The following SEC11C variants were observed in gnomAD, a reference collection of about 807,000 sequenced individuals.
SEC11C encodes signal peptidase complex catalytic subunit SEC11C.
In SEC11C, 10 loss-of-function variants were observed where a neutral mutation model predicts 21.9. The ratio of observed to expected loss-of-function variants is 0.46; its 90% CI spans 0.28 to 0.77. SEC11C has a LOEUF of 0.77. Ranked by LOEUF, SEC11C falls within the 30% of genes least tolerant of loss-of-function variation. The pLI is 0.12. For missense variants in SEC11C, 145 were observed against 244.5 expected (o/e 0.59, Z 2.71); for synonymous variants, 83 against 85.6 (o/e 0.97, Z 0.17).
At chr18:59,157,724 CT>C (rs2069434278) in intron 5 of SEC11C, 59 bp downstream of exon 5, 3 of 1,189,072 alleles carry the variant, frequency 2.5e-6, no homozygotes, top group Non-Finnish European at 3.7e-6. Flanking sequence ...GCTTTTACTT[CT>C]GCAACTGTAA....
intron 3 of SEC11C, among the ~76,000 whole-genome samples, chr18:59,153,762 A>C (rs1052029730): frequency 6.7e-6 from 1 of 150,010 alleles, no homozygotes; most frequent in East Asian, 2.0e-4. Context: ...GCTGGAGTGC[A>C]ATGGCATGAT....
At chr18:59,158,340 A>G (rs1229278126) in intron 5 of SEC11C, among the ~76,000 whole-genome samples, 1 of 151,720 alleles carries the variant, frequency 6.6e-6, no homozygotes, top group African/African-American at 2.4e-5. Context: ...ACAGGCGTGT[A>G]TCCATATTTT....
At chr18:59,155,261 G>C (rs1187962351) in intron 3 of SEC11C, among the ~76,000 whole-genome samples, 2 of 152,178 alleles carry the variant, frequency 1.3e-5, no homozygotes, top group Non-Finnish European at 2.9e-5. Flanking sequence ...ATCTGGACTT[G>C]AAAGAATTGC....
At chr18:59,143,090 C>T (rs968147132) in intron 1 of SEC11C, among the ~76,000 whole-genome samples, 3 of 152,082 alleles carry the variant, frequency 2.0e-5, no homozygotes, top group Non-Finnish European at 1.5e-5. Context: ...CAGTGGCTCA[C>T]GCTTGTAATC....
In SEC11C at chr18:59,155,823, T is replaced by A; in HGVS notation, c.467+16T>A. The A allele has an allele frequency of 6.2e-7, 1 of 1,612,592 alleles. No individual in the cohort carries two copies. Among genetic ancestry groups the A allele is most frequent in the Non-Finnish European group, 8.5e-7 (1 of 1,179,466 alleles). The stretch of plus-strand genomic sequence containing the variant: ...GAGCAAGAGGGTGAGGATTCACCTT[T>A]AAGTTATATAGAAGGTTATGAAAAA... On this transcript the variant is annotated intron_variant, in intron 4 of 5. Transcript: ENST00000587834.
rs368399828 is a variant in SEC11C at position 59,146,006 on chromosome 18, C to T, written c.88-3507C>T. 3.3e-5 allele frequency among the ~76,000 whole-genome samples: 5 copies of T among 152,304 alleles called. No homozygotes were observed. The East Asian group carries it at 9.6e-4, about 29-fold the overall frequency. On this transcript the variant is annotated intron_variant, in intron 1 of 5. Transcript: ENST00000587834. ...TTCAAACAACAATAAAATCACCTAA[C>T]AACGCATTTTTCAGAATGTGTCTGT...
intron 3 of SEC11C, chr18:59,153,207 A>C (rs1348789940): frequency 6.6e-6 from 1 of 151,940 alleles, no homozygotes; most frequent in Non-Finnish European, 1.5e-5. Context: ...CCCATCCCCT[A>C]CTCCCCAAAC....
In SEC11C at chr18:59,152,847, T is replaced by C. The variant is rs1046122205; in HGVS notation, c.347+162T>C. The C allele has an allele frequency of 7.2e-6, 4 of 556,566 alleles. No homozygotes were observed. The Admixed American group carries it at 1.4e-4, about 20-fold the overall frequency. The allele number at this position is 556,566 out of a possible 1,614,324, so 34.5% of individuals were successfully genotyped here. The stretch of plus-strand genomic sequence containing the variant: ...TTAACTCTTTCTGTAGGATGGGAGT[T>C]GTAGTAGTTAAACCCATAGTAACTC... On this transcript the variant is annotated intron_variant, in intron 3 of 5. Transcript: ENST00000587834.
chr18:59,152,471 A>G (rs993682672), intron 2 of SEC11C, 65 bp from the exon 3 acceptor site: 7 of 1,478,024 alleles, frequency 4.7e-6, no homozygotes, highest in East Asian at 4.7e-5. Flanking sequence ...CACCTCTGAC[A>G]TGTCTATTCT....
At chr18:59,155,484 T>G in intron 3 of SEC11C, 1 of 463,148 alleles carries the variant, frequency 2.2e-6, no homozygotes, top group East Asian at 4.2e-5. Flanking sequence ...TTTTGGAATT[T>G]AAGTCTACAA....
At chr18:59,156,774 G>T (rs889860201) in intron 4 of SEC11C, 3 of 152,182 alleles carry the variant, frequency 2.0e-5, no homozygotes, top group Admixed American at 6.5e-5. Flanking sequence ...CAGGTTTAGC[G>T]TTATTAGTCA....
At chr18:59,144,030 CT>C (rs1331460258) in intron 1 of SEC11C, among the ~76,000 whole-genome samples, 1 of 151,814 alleles carries the variant, frequency 6.6e-6, no homozygotes, top group Non-Finnish European at 1.5e-5. Context: ...ATTTTTGCAT[CT>C]TTAGTAGAGA....
chr18:59,145,921 T>C (rs2069269313), intron 1 of SEC11C, among the ~76,000 whole-genome samples: 1 of 152,232 alleles, frequency 6.6e-6, no homozygotes, highest in Non-Finnish European at 1.5e-5. Context: ...GGCTACATCG[T>C]ATAGCTTAGG....
chr18:59,145,178 A>C (rs554247322), intron 1 of SEC11C, among the ~76,000 whole-genome samples: 1 of 152,352 alleles, frequency 6.6e-6, no homozygotes, highest in Non-Finnish European at 1.5e-5. Flanking sequence ...GGCTGGCCAG[A>C]GTGGAGATTG....
intron 5 of SEC11C, among the ~76,000 whole-genome samples, chr18:59,158,353 A>T (rs35999852): frequency 0.44 from 64,987 of 148,002 alleles, 14,274 homozygotes; most frequent in East Asian, 0.72. Context: ...CATATTTTTT[A>T]AAAAAATCAC....
chr18:59,158,495 G>C, intron 5 of SEC11C, 137 bp from the exon 6 acceptor site: 1 of 691,802 alleles, frequency 1.4e-6, no homozygotes, highest in South Asian at 1.9e-5. Context: ...CTCATTTAGA[G>C]AACAAGCCAT....
intron 3 of SEC11C, among the ~76,000 whole-genome samples, chr18:59,154,342 T>C (rs2069395193): frequency 6.6e-6 from 1 of 152,250 alleles, no homozygotes; most frequent in Non-Finnish European, 1.5e-5. Context: ...ATCAGCTTGC[T>C]CTTTTTGATA....
At chr18:59,150,369 A>G (rs2069333773) in intron 2 of SEC11C, among the ~76,000 whole-genome samples, 1 of 152,154 alleles carries the variant, frequency 6.6e-6, no homozygotes, top group South Asian at 2.1e-4. Context: ...TTAGCTCCCA[A>G]ACCAGTGCCC....
At chr18:59,145,245 C>G (rs1018816106) in intron 1 of SEC11C, among the ~76,000 whole-genome samples, 11 of 152,212 alleles carry the variant, frequency 7.2e-5, no homozygotes, top group Admixed American at 6.5e-4. Context: ...CGGCCATGCT[C>G]TTTCTTTTAC....
Sources: allele counts gnomAD v4.1 joint callset (sites outside exome capture counted in the v4.1 genomes callset), GRCh38; gene constraint gnomAD v4.1.1; transcripts MANE v1.5; gene names NCBI Gene and HGNC (gene_info 2026-07-23, HGNC 2026-07-21).